SORCS2: variants seen among roughly 807,000 people sequenced by gnomAD.
SORCS2 encodes VPS10 domain-containing receptor SorCS2.
SORCS2 carries 100 observed loss-of-function variants against 141.6 expected under a neutral mutation model. The observed-to-expected ratio is 0.71, with a 90% CI of 0.60 to 0.83. SORCS2 has a LOEUF of 0.83. SORCS2 is among the 40% of genes least tolerant of loss of function. The probability of loss-of-function intolerance (pLI) is 0.00; values close to 1 mark genes in which losing one functional copy is unlikely to be tolerated. For synonymous variants in SORCS2, 789 were observed against 676.9 expected, an observed-to-expected ratio of 1.17 and a Z score of -2.57; for missense variants, 1,646 against 1,560.2, an observed-to-expected ratio of 1.05 and a Z score of -0.93.
At chr4:7,381,798 T>A in intron 1 of SORCS2, 2 of 452,306 alleles carry the variant, frequency 4.4e-6, no homozygotes, top group Non-Finnish European at 5.8e-6. Flanking sequence ...ACTGCAGCCA[T>A]GTGCAGCCTG....
rs1725917422 is a variant in SORCS2 at position 7,712,855 on chromosome 4, T to C, written c.1989+2T>C. ...TCCTGGGAGCTCTCCAACCTGCAGG[T>C]GGGCCGGCATGAGGCTGGGATCGGG... On this transcript the variant is annotated splice_donor_variant, in intron 15 of 26. Coordinates refer to ENST00000507866, the MANE Select transcript of SORCS2 (RefSeq NM_020777.3). LOFTEE classifies it high-confidence loss of function. 4.3e-6 allele frequency: 7 copies of C among 1,613,436 alleles called. No individual in the cohort carries two copies. The highest frequency in any genetic ancestry group is 5.9e-6 in the Non-Finnish European group (7 of 1,179,790).
At chr4:7,639,621 ATG>A (rs1333687384) in intron 4 of SORCS2, among the ~76,000 whole-genome samples, 4 of 148,056 alleles carry the variant, frequency 2.7e-5, no homozygotes, top group South Asian at 2.2e-4. Context: ...GTGCGTGTGA[ATG>A]TGTGGGTGTG....
chr4:7,397,762 C>T (rs1399040490), intron 2 of SORCS2, among the ~76,000 whole-genome samples: 3 of 152,212 alleles, frequency 2.0e-5, no homozygotes, highest in Non-Finnish European at 4.4e-5. Context: ...TTGGAGGCAA[C>T]ACTCCTGGAC....
intron 3 of SORCS2, among the ~76,000 whole-genome samples, chr4:7,618,969 G>T (rs1029089741): frequency 6.6e-6 from 1 of 152,072 alleles, no homozygotes; most frequent in Non-Finnish European, 1.5e-5. Context: ...ATAGGTCCTC[G>T]GAAGCACCTG....
chr4:7,462,630 G>A (rs4689125), intron 2 of SORCS2, among the ~76,000 whole-genome samples: 28,543 of 151,728 alleles, frequency 0.19, 2,817 homozygotes, highest in African/African-American at 0.24. Flanking sequence ...TGCTGTCAGA[G>A]TGACCTTTTC....
intron 19 of SORCS2, among the ~76,000 whole-genome samples, chr4:7,724,762 G>GGCA (rs1366796346): frequency 1.7e-4 from 23 of 138,654 alleles, no homozygotes; most frequent in Non-Finnish European, 2.3e-4. Context: ...TGGTGGTGTT[G>GGCA]GTGATGATGG....
chr4:7,202,246 CG>C (rs1727522263), intron 1 of SORCS2, among the ~76,000 whole-genome samples: 1 of 152,118 alleles, frequency 6.6e-6, no homozygotes, highest in African/African-American at 2.4e-5. Flanking sequence ...CCTCATGACT[CG>C]GGACCGCTTC....
Position 7,672,213 on chromosome 4 carries a change from G to A in SORCS2, c.1162-3837G>A, listed in dbSNP as rs376802775. Among the ~76,000 whole-genome samples the A allele has an allele frequency of 5.5e-4, 83 of 152,286 alleles. No individual in the cohort carries two copies. In the East Asian group the frequency reaches 0.011, roughly 19 times the overall value. ...CTGCCTCAGCCTCCCAAAGTGCTGGGACTACAGCCGTGATCCACCATGCCT... is the reference window on the plus strand; with the variant it reads ...CTGCCTCAGCCTCCCAAAGTGCTGGAACTACAGCCGTGATCCACCATGCCT... On this transcript the variant is annotated intron_variant, in intron 8 of 26. Coordinates refer to ENST00000507866, the MANE Select transcript of SORCS2 (RefSeq NM_020777.3).
intron 2 of SORCS2, among the ~76,000 whole-genome samples, chr4:7,443,281 A>T (rs1341913887): frequency 6.6e-6 from 1 of 152,222 alleles, no homozygotes; most frequent in African/African-American, 2.4e-5. Context: ...ACTGTGGTTC[A>T]GATCCAGCCT....
chr4:7,700,776 C>T (rs1023184942), intron 12 of SORCS2, among the ~76,000 whole-genome samples: 23 of 152,182 alleles, frequency 1.5e-4, no homozygotes, highest in Admixed American at 1.1e-3. Context: ...TGGGGAGCCC[C>T]CAGGTTAACT....
chr4:7,576,426 T>C (rs1715756089), intron 3 of SORCS2, among the ~76,000 whole-genome samples: 1 of 152,168 alleles, frequency 6.6e-6, no homozygotes, highest in African/African-American at 2.4e-5. Context: ...AAGAAAGCGA[T>C]AGGAAACGAC....
intron 18 of SORCS2, among the ~76,000 whole-genome samples, 186 bp downstream of exon 18, chr4:7,718,369 A>G (rs888105421): frequency 2.6e-5 from 4 of 152,216 alleles, no homozygotes; most frequent in Admixed American, 6.5e-5. Flanking sequence ...AGTCGAGACC[A>G]GCATTTAACA....
chr4:7,502,311 C>T (rs77143236), intron 2 of SORCS2, among the ~76,000 whole-genome samples: 2,910 of 152,356 alleles, frequency 0.019, 43 homozygotes, highest in South Asian at 0.038. Flanking sequence ...CTGAGGATGA[C>T]ATCTCCCTGG....
chr4:7,733,446 G>A (rs548929226), intron 24 of SORCS2, 25 bp downstream of exon 24: 35 of 1,541,860 alleles, frequency 2.3e-5, no homozygotes, highest in African/African-American at 9.5e-5. Context: ...GCTCCCCTGC[G>A]GAATGGGTGG....
intron 2 of SORCS2, among the ~76,000 whole-genome samples, chr4:7,487,001 C>T (rs1000032873): frequency 6.6e-6 from 1 of 152,236 alleles, no homozygotes; most frequent in African/African-American, 2.4e-5. Context: ...CCGACCTCAG[C>T]GGGAAGCGGC....
intron 2 of SORCS2, among the ~76,000 whole-genome samples, chr4:7,453,588 CTGTGTTGGGGTCAGGAGCTG>C (rs1728643430): frequency 2.5e-5 from 3 of 119,790 alleles, no homozygotes; most frequent in African/African-American, 6.7e-5. Flanking sequence ...GGGTCAGGCA[CTGTGTTGGGGTCAGGAGCTG>C]TGTGTTGGGG....
chr4:7,475,747 T>C (rs1399075092), intron 2 of SORCS2, among the ~76,000 whole-genome samples: 1 of 152,216 alleles, frequency 6.6e-6, no homozygotes, highest in Non-Finnish European at 1.5e-5. Context: ...TGACCCCTGC[T>C]CCCCGCTCTT....
rs762640463 is a variant in SORCS2, at chr4:7,470,551, C to G, written c.549-60979C>G. On this transcript the variant is annotated intron_variant, in intron 2 of 26. Coordinates refer to ENST00000507866, the MANE Select transcript of SORCS2 (RefSeq NM_020777.3). ...TTGTGGCCAAGGAGACCCATGTGAG[C>G]TATTCTAGGAAGGAGAACCCGGTAG... is the stretch of plus-strand genomic sequence containing the variant. Among the ~76,000 whole-genome samples, 31 of 152,212 alleles carry G rather than the reference C, an allele frequency of 2.0e-4. 1 individual carries two copies. The highest frequency in any genetic ancestry group is 3.8e-4 in the Non-Finnish European group (26 of 68,030).
intron 1 of SORCS2, among the ~76,000 whole-genome samples, chr4:7,366,733 T>C (rs993801083): frequency 1.3e-5 from 2 of 152,084 alleles, no homozygotes; most frequent in Non-Finnish European, 2.9e-5. Context: ...TCAGATGGCC[T>C]GTGTGCTCAC....
Sources: allele counts gnomAD v4.1 joint callset (sites outside exome capture counted in the v4.1 genomes callset), GRCh38; gene constraint gnomAD v4.1.1; transcripts MANE v1.5; gene names NCBI Gene and HGNC (gene_info 2026-07-23, HGNC 2026-07-21).